Variants in OSBPL2 observed in about 807,000 individuals in gnomAD.
OSBPL2 encodes the protein oxysterol binding protein like 2, also known as oxysterol-binding protein-related protein 2.
A neutral mutation model predicts 58.4 loss-of-function variants in OSBPL2; 18 were observed. The observed-to-expected ratio is 0.31, with a 90% CI of 0.21 to 0.46. The LOEUF (loss-of-function observed/expected upper bound fraction) is 0.46. Among genes scored for constraint, OSBPL2 ranks in the 20% least tolerant of loss-of-function variants. The pLI is 1.00. For synonymous variants in OSBPL2, 221 were observed against 234.1 expected (o/e 0.94, Z 0.51); for missense variants, 461 against 616.5 (o/e 0.75, Z 2.67).
intron 1 of OSBPL2, among the ~76,000 whole-genome samples, chr20:62,248,128 C>CT (rs928677366): frequency 1.4e-5 from 2 of 143,356 alleles, no homozygotes; most frequent in East Asian, 2.1e-4. Context: ...TCTCTCTTTT[C>CT]TTTTTTTTTC....
chr20:62,292,724 A>G (rs1272354962), intron 13 of OSBPL2, among the ~76,000 whole-genome samples: 1 of 152,148 alleles, frequency 6.6e-6, no homozygotes, highest in East Asian at 1.9e-4. Flanking sequence ...GCCCAACAAC[A>G]ATGATACCCG....
At chr20:62,242,017 A>C (rs558880408) in intron 1 of OSBPL2, among the ~76,000 whole-genome samples, 6 of 152,374 alleles carry the variant, frequency 3.9e-5, no homozygotes, top group African/African-American at 1.4e-4. Context: ...ACTGATTATT[A>C]AAAAGGACCG....
intron 4 of OSBPL2, among the ~76,000 whole-genome samples, chr20:62,266,148 G>A (rs888838943): frequency 6.6e-5 from 10 of 152,088 alleles, no homozygotes; most frequent in African/African-American, 2.2e-4. Context: ...AAAGATTCTA[G>A]GACCAAAAGC....
At chr20:62,246,361 A>G (rs1327085862) in intron 1 of OSBPL2, among the ~76,000 whole-genome samples, 1 of 152,256 alleles carries the variant, frequency 6.6e-6, no homozygotes, top group Admixed American at 6.5e-5. Flanking sequence ...TAGGGACGAC[A>G]CTGGACAGAT....
chr20:62,273,222 G>C (rs1982179668), intron 5 of OSBPL2, 87 bp from the exon 6 acceptor site: 1 of 984,232 alleles, frequency 1.0e-6, no homozygotes, highest in South Asian at 1.4e-5. Flanking sequence ...CAGAAACCAG[G>C]TGCCCACCGC....
intron 13 of OSBPL2, among the ~76,000 whole-genome samples, chr20:62,293,323 C>T (rs967665235): frequency 2.6e-5 from 4 of 152,296 alleles, no homozygotes; most frequent in Admixed American, 1.3e-4. Context: ...GGGCTGTGGA[C>T]GGCGGCTGAA....
intron 1 of OSBPL2, among the ~76,000 whole-genome samples, chr20:62,254,450 C>G (rs1346907349): frequency 2.0e-5 from 3 of 152,254 alleles, no homozygotes; most frequent in Non-Finnish European, 4.4e-5. Context: ...GCAAGCACAC[C>G]CTGGCCGTGA....
chr20:62,256,085 G>A lies in OSBPL2; in HGVS notation c.-100G>A. On this transcript the variant is annotated 5_prime_UTR_variant, in exon 2 of 14. Transcript: ENST00000313733. ...TTCAGTGTCTATTGGATTTTTCCAA[G>A]AGAAAGTTTGTAAAATTCCTTACAC... The A allele has an allele frequency of 7.0e-7, 1 of 1,433,984 alleles. No homozygotes were observed. The highest frequency in any genetic ancestry group is 2.4e-5 in the East Asian group (1 of 41,760). The allele number at this position is 1,433,984 out of a possible 1,614,324, so 88.8% of individuals were successfully genotyped here.
At position 62,291,781 on chromosome 20, in the gene OSBPL2, A is replaced by G; in HGVS notation, c.1328A>G (p.Glu443Gly). 1 of 1,600,260 alleles carries G rather than the reference A, an allele frequency of 6.2e-7. No individual in the cohort carries two copies. The highest frequency in any genetic ancestry group is 8.5e-7 in the Non-Finnish European group (1 of 1,173,822). ...ARRERAKEEA[E>G]WQTRWFYPGN... ...AGGGAGCGGGCCAAGGAGGAGGCAG[A>G]GTGGCAGACGAGGTGAGTACTGTGG... Residue 443 changes from glutamate (E) to glycine (G), a missense_variant, in exon 13 of 14, where the codon GAG becomes GGG. Glu to Gly is a moderately conservative substitution (Grantham distance 98). Coordinates refer to ENST00000313733, the MANE Select transcript of OSBPL2 (RefSeq NM_144498.4).
intron 11 of OSBPL2, 135 bp from the exon 12 acceptor site, chr20:62,289,072 C>T (rs1474792955): frequency 1.3e-5 from 11 of 872,424 alleles, no homozygotes; most frequent in African/African-American, 3.4e-5. Context: ...AGGTGGAAGA[C>T]GTGAGCGGAA....
chr20:62,278,654 T>TGTCTG (rs1982569756), intron 6 of OSBPL2: 1 of 166,286 alleles, frequency 6.0e-6, no homozygotes. Context: ...TGTGTGTGTG[T>TGTCTG]TGCCAACGTT....
chr20:62,263,377 G>A lies in OSBPL2; in HGVS notation c.183-239G>A, dbSNP rs73915810. 2.8e-3 allele frequency among the ~76,000 whole-genome samples: 425 copies of A among 152,252 alleles called. 1 individual carries two copies. Among genetic ancestry groups the A allele is most frequent in the African/African-American group, 9.9e-3 (411 of 41,548 alleles). On this transcript the variant is annotated intron_variant, in intron 3 of 13. Transcript: ENST00000313733. ...GAGGAAACAACAGCAGGGCCACTGC[G>A]GGGCCAAGACTGCAGAGTCATCTTT...
intron 11 of OSBPL2, 25 bp downstream of exon 11, chr20:62,286,736 G>A (rs199953114): frequency 3.6e-5 from 58 of 1,595,300 alleles, no homozygotes; most frequent in Admixed American, 1.2e-4. Context: ...ATGGCCTGAC[G>A]TCTCTGCCTG....
At position 62,260,046 on chromosome 20, in the gene OSBPL2, G is replaced by T; in HGVS notation, c.103G>T (p.Asp35Tyr). 6.2e-7 allele frequency: 1 copy of T among 1,613,708 alleles called. No homozygotes were observed. The highest frequency in any genetic ancestry group is 1.1e-5 in the South Asian group (1 of 91,070). ...EANQKVTGMI[D>Y]LDTSKNNRIG... ...AAATCAGAAAGTCACGGGAATGATT[G>T]ACTTAGACACCAGCAAAAATAATAG... Residue 35 changes from aspartate to tyrosine, a missense_variant, in exon 3 of 14, where the codon GAC becomes TAC. This residue lies in a region of OSBPL2 where 80 missense variants were observed against 74.8 expected (regional missense o/e 1.07). Transcript: ENST00000313733.
At position 62,241,256 on chromosome 20, in the gene OSBPL2, GA is replaced by G. The variant is rs371243137; in HGVS notation, c.-129+2661del. ...CGCGAACTCGGCTCACTGCAAACGCGAACTCAGCTCACTGCAAGCTCTGCCT... is the reference window on the plus strand; with the variant it reads ...CGCGAACTCGGCTCACTGCAAACGCGACTCAGCTCACTGCAAGCTCTGCCT... On this transcript the variant is annotated intron_variant, in intron 1 of 13. Transcript: ENST00000313733. Among the ~76,000 whole-genome samples the G allele has an allele frequency of 6.7e-4, 102 of 151,920 alleles. No individual in the cohort carries two copies. In the East Asian group the frequency reaches 0.012, roughly 18 times the overall value.
intron 1 of OSBPL2, among the ~76,000 whole-genome samples, chr20:62,239,976 C>G (rs1422316022): frequency 6.6e-6 from 1 of 152,204 alleles, no homozygotes; most frequent in Non-Finnish European, 1.5e-5. Context: ...CCTTAGCCTC[C>G]CATCTAGCTG....
At chr20:62,287,582 T>G (rs4925369) in intron 11 of OSBPL2, among the ~76,000 whole-genome samples, 148,970 of 152,260 alleles carry the variant, frequency 0.98, 72,949 homozygotes, top group Non-Finnish European at 1. Flanking sequence ...TCAGCCTCCC[T>G]AGTAGCGAGG....
intron 7 of OSBPL2, chr20:62,280,188 G>C: frequency 2.8e-6 from 3 of 1,087,100 alleles, no homozygotes; most frequent in Non-Finnish European, 1.2e-6. Flanking sequence ...AATACATACA[G>C]AAATAAGTAA....
chr20:62,244,430 G>C (rs540541692), intron 1 of OSBPL2, among the ~76,000 whole-genome samples: 1 of 152,202 alleles, frequency 6.6e-6, no homozygotes, highest in Non-Finnish European at 1.5e-5. Context: ...CCTGCCCTCC[G>C]GCATGGCTTT....
Sources: allele counts gnomAD v4.1 joint callset (sites outside exome capture counted in the v4.1 genomes callset), GRCh38; gene constraint gnomAD v4.1.1; regional missense constraint gnomAD v4.1.1; transcripts MANE v1.5; gene names NCBI Gene and HGNC (gene_info 2026-07-23, HGNC 2026-07-21).